Variants in DNAH5 observed in about 807,000 individuals in gnomAD.
The protein encoded by DNAH5 is axonemal beta dynein heavy chain 5.
Under a neutral mutation model 518.2 loss-of-function variants are expected in DNAH5, and 372 were observed. The observed-to-expected ratio is 0.72, with a 90% CI of 0.66 to 0.78. DNAH5 has a LOEUF of 0.78. Ranked by LOEUF, DNAH5 falls within the 30% of genes least tolerant of loss-of-function variation. DNAH5 has a pLI of 0.00. For missense variants in DNAH5, 5,523 were observed against 5,687.0 expected (o/e 0.97, Z 0.93); for synonymous variants, 2,039 against 2,025.9 (o/e 1.01, Z -0.17).
At chr5:13,783,938 C>T (rs1027277413) in intron 52 of DNAH5, among the ~76,000 whole-genome samples, 8 of 152,132 alleles carry the variant, frequency 5.3e-5, no homozygotes, top group Non-Finnish European at 5.9e-5. Flanking sequence ...ACTCTAGTCA[C>T]GGATTCTTCA....
chr5:14,008,235 T>A (rs1784866802), intron 1 of DNAH5, among the ~76,000 whole-genome samples: 1 of 127,208 alleles, frequency 7.9e-6, no homozygotes, highest in African/African-American at 3.1e-5. Flanking sequence ...CAGTATGTAT[T>A]TTAGAAGGAA....
intron 1 of DNAH5, among the ~76,000 whole-genome samples, chr5:13,989,618 G>T (rs540641396): frequency 6.6e-6 from 1 of 151,688 alleles, no homozygotes; most frequent in African/African-American, 2.4e-5. Context: ...GGAGTAGCTG[G>T]GACTACAGGC....
chr5:13,915,305 A>C (rs868094376), intron 9 of DNAH5, among the ~76,000 whole-genome samples: 1 of 152,098 alleles, frequency 6.6e-6, no homozygotes, highest in African/African-American at 2.4e-5. Context: ...AATCTAGGTG[A>C]TATGTACATG....
chr5:13,741,389 C>G (rs1344916874), intron 65 of DNAH5, among the ~76,000 whole-genome samples: 1 of 152,134 alleles, frequency 6.6e-6, no homozygotes, highest in Non-Finnish European at 1.5e-5. Context: ...ATTCTTAATT[C>G]TTTAAGATGT....
intron 53 of DNAH5, 94 bp downstream of exon 53, chr5:13,780,735 T>G: frequency 7.3e-7 from 1 of 1,377,498 alleles, no homozygotes. Flanking sequence ...CTGTGACTCT[T>G]TATATGTAAG....
chr5:13,977,437 G>A (rs1232257761), intron 1 of DNAH5, among the ~76,000 whole-genome samples: 1 of 152,122 alleles, frequency 6.6e-6, no homozygotes, highest in African/African-American at 2.4e-5. Flanking sequence ...ATAAACAACA[G>A]AAATTCATTT....
rs2151938736 is a variant in DNAH5, at chr5:13,883,061, C to G, written c.3017G>C (p.Ser1006Thr). 1 of 1,614,142 alleles carries G rather than the reference C, an allele frequency of 6.2e-7. No individual in the cohort carries two copies. The highest frequency in any genetic ancestry group is 8.5e-7 in the Non-Finnish European group (1 of 1,180,034). The change falls in exon 20 of 79, where the codon AGT (serine) becomes ACT (threonine). Residue 1006 changes from serine (S) to threonine (T), a missense_variant. By Grantham distance (58) the Ser-to-Thr change is moderately conservative. Transcript: ENST00000265104. ...GACGCTTGCCCGGAAAATGGGCAAA[C>G]TGTTCTGCTTCATGTTAGAGGCACT... ...SNSASNMKQNSLPIFRASVTL... is the reference protein window; with the variant it reads ...SNSASNMKQNTLPIFRASVTL...
At chr5:13,895,501 G>A (rs1040934819) in intron 15 of DNAH5, among the ~76,000 whole-genome samples, 1 of 152,120 alleles carries the variant, frequency 6.6e-6, no homozygotes, top group Non-Finnish European at 1.5e-5. Context: ...TACGACATGC[G>A]TGCTGCTCCT....
chr5:13,862,702 G>C lies in DNAH5; in HGVS notation c.4642C>G (p.Leu1548Val). 6.2e-7 allele frequency: 1 copy of C among 1,613,930 alleles called. No individual in the cohort carries two copies. The highest frequency in any genetic ancestry group is 8.5e-7 in the Non-Finnish European group (1 of 1,179,948). The change falls in exon 29 of 79, where the codon CTG (leucine) becomes GTG (valine). Residue 1548 changes from leucine (L) to valine (V), a missense_variant. Around this residue, in one of 3 missense-constraint regions of DNAH5, gnomAD observed 5,121 missense variants for 5,223.3 expected, o/e 0.98. Transcript: ENST00000265104. ...AVKERDIEQKLKQVINEWDNK... is the reference protein window; with the variant it reads ...AVKERDIEQKVKQVINEWDNK... The stretch of plus-strand genomic sequence containing the variant: ...TCCCATTCATTAATCACTTGCTTCA[G>C]CTTTTGCTCAATGTCTCTCTCTTTC...
chr5:13,902,421 G>A (rs940884779), intron 12 of DNAH5, among the ~76,000 whole-genome samples: 3 of 152,194 alleles, frequency 2.0e-5, no homozygotes, highest in African/African-American at 4.8e-5. Context: ...GCAATATGGG[G>A]AGATGGGCTA....
intron 1 of DNAH5, among the ~76,000 whole-genome samples, chr5:13,989,763 A>G (rs1310473938): frequency 1.3e-5 from 2 of 152,144 alleles, no homozygotes; most frequent in Admixed American, 1.3e-4. Flanking sequence ...GATTACAGTC[A>G]TGAGCCACCA....
intron 33 of DNAH5, 77 bp downstream of exon 33, chr5:13,841,615 G>T: frequency 1.7e-6 from 2 of 1,153,810 alleles, no homozygotes; most frequent in Non-Finnish European, 2.6e-6. Context: ...AGCCATTTTT[G>T]AAGCTTACAA....
chr5:13,857,730 T>C (rs1175218373), intron 30 of DNAH5, among the ~76,000 whole-genome samples: 2 of 152,150 alleles, frequency 1.3e-5, no homozygotes, highest in Non-Finnish European at 2.9e-5. Context: ...ACATCTGATA[T>C]TCGACAAACC....
At chr5:13,725,411 G>A (rs1038149266) in intron 70 of DNAH5, among the ~76,000 whole-genome samples, 2 of 152,214 alleles carry the variant, frequency 1.3e-5, no homozygotes, top group African/African-American at 4.8e-5. Context: ...CTAGGGACAG[G>A]AGGACACCCA....
At chr5:13,884,667 T>C (rs1377492573) in intron 19 of DNAH5, among the ~76,000 whole-genome samples, 1 of 152,172 alleles carries the variant, frequency 6.6e-6, no homozygotes, top group East Asian at 1.9e-4. Context: ...TGAAACCCTG[T>C]CTCTACTAAA....
rs141723684 is a variant in DNAH5 at position 13,916,611 on chromosome 5, ATATTAATTT to A, written c.1090-165_1090-157del. 8.6e-3 allele frequency among the ~76,000 whole-genome samples: 1,304 copies of A among 152,096 alleles called. 19 individuals are homozygous for A. The highest frequency in any genetic ancestry group is 0.029 in the African/African-American group (1,211 of 41,548). On this transcript the variant is annotated intron_variant, in intron 8 of 78. Coordinates refer to ENST00000265104, the MANE Select transcript of DNAH5 (RefSeq NM_001369.3). The stretch of plus-strand genomic sequence containing the variant: ...GCTTTACATGAAAATAATATATTTA[ATATTAATTT>A]TATTAGTCACATATGGTTAATCAAA...
At position 13,776,587 on chromosome 5, in the gene DNAH5, C is replaced by T. The variant is rs1754119361; in HGVS notation, c.9225G>A (p.Met3075Ile). The T allele has an allele frequency of 2.5e-6, 4 of 1,613,952 alleles. No homozygotes were observed. In the East Asian group the frequency reaches 8.9e-5, roughly 36 times the overall value. The part of the protein sequence containing the change: ...PTNENLHDYF[M>I]SRVRQNLHIV... ...TATGAAGGTTCTGTCGGACCCGACTCATGAAGTAGTCGTGCAGGTTCTCAT... is the reference window on the plus strand; with the variant it reads ...TATGAAGGTTCTGTCGGACCCGACTTATGAAGTAGTCGTGCAGGTTCTCAT... Residue 3075 changes from methionine (M) to isoleucine (I), a missense_variant, in exon 55 of 79, where the codon ATG (methionine) becomes ATA (isoleucine). Coordinates refer to ENST00000265104, the MANE Select transcript of DNAH5 (RefSeq NM_001369.3).
chr5:13,718,796 AT>A (rs1300915586), intron 72 of DNAH5, 85 bp downstream of exon 72: 11 of 1,122,840 alleles, frequency 9.8e-6, no homozygotes, highest in African/African-American at 1.5e-5. Context: ...CTATAACTGT[AT>A]CCTAGCTAAT....
chr5:13,763,303 A>T (rs147036594), intron 59 of DNAH5, among the ~76,000 whole-genome samples: 1 of 152,354 alleles, frequency 6.6e-6, no homozygotes, highest in African/African-American at 2.4e-5. Context: ...ACCTAGGTGT[A>T]TTCAGTCTGA....
Sources: gnomAD v4.1 joint callset for allele counts (sites outside exome capture counted in the v4.1 genomes callset) on GRCh38, gnomAD v4.1.1 for gene constraint, gnomAD v4.1.1 regional missense constraint, MANE v1.5 for transcripts, NCBI Gene and HGNC (gene_info 2026-07-23, HGNC 2026-07-21) for gene names.